The following TMEM70 variants were observed in gnomAD, a reference collection of about 807,000 sequenced individuals.
The protein encoded by TMEM70 is transmembrane protein 70, mitochondrial.
Under a neutral mutation model 20.5 loss-of-function variants are expected in TMEM70, and 15 were observed. That is an observed-to-expected ratio of 0.73 (90% CI 0.49 to 1.13). TMEM70 has a LOEUF of 1.13. Ranked by LOEUF, TMEM70 falls within the 50% of genes most tolerant of loss-of-function variation. TMEM70 has a pLI of 0.00. For synonymous variants in TMEM70, 141 were observed against 134.2 expected, an observed-to-expected ratio of 1.05 and a Z score of -0.35; for missense variants, 344 against 331.7, an observed-to-expected ratio of 1.04 and a Z score of -0.29.
chr8:73,980,859 T>C (rs1308070097), intron 2 of TMEM70, among the ~76,000 whole-genome samples: 2 of 152,228 alleles, frequency 1.3e-5, no homozygotes, highest in East Asian at 3.8e-4. Flanking sequence ...TTAGTAAGGA[T>C]CTTTAAGTAA....
In TMEM70 at chr8:73,981,522, C is replaced by T; in HGVS notation, c.684C>T (p.Asn228=). The T allele has an allele frequency of 6.2e-7, 1 of 1,613,794 alleles. No individual in the cohort carries two copies. Among genetic ancestry groups the T allele is most frequent in the Admixed American group, 1.7e-5 (1 of 60,020 alleles). Residue 228 remains asparagine (N), a synonymous_variant, in exon 3 of 3, where the codon AAC becomes AAT. Transcript: ENST00000312184. ...TAGTTAATCCAGTGCTCTTTCCAAA[C>T]CGTGAAGACTATATCCATCTAATGG... ...SLLVNPVLFP[N]REDYIHLMGY...
rs1311461265 is a variant in TMEM70, at chr8:73,981,772, T to G, written c.*151T>G. On this transcript the variant is annotated 3_prime_UTR_variant, in exon 3 of 3. Coordinates refer to ENST00000312184, the MANE Select transcript of TMEM70 (RefSeq NM_017866.6). ...TCCAGAGAATGATGTTTGTTTATAA[T>G]AAAACAAGCTATGTTTGAAAACCAA... The G allele has an allele frequency of 1.3e-6, 1 of 767,334 alleles. No homozygotes were observed. Among genetic ancestry groups the G allele is most frequent in the Non-Finnish European group, 2.2e-6 (1 of 449,056 alleles). The allele number at this position is 767,334 out of a possible 1,614,324, so 47.5% of individuals were successfully genotyped here.
At chr8:73,977,172 T>C (rs193145360) in intron 1 of TMEM70, among the ~76,000 whole-genome samples, 5 of 152,334 alleles carry the variant, frequency 3.3e-5, no homozygotes, top group African/African-American at 1.2e-4. Flanking sequence ...ATGTAGGATT[T>C]CAAGTAAATT....
At position 73,978,330 on chromosome 8, in the gene TMEM70, G is replaced by GC. The variant is rs1272328721; in HGVS notation, c.211-420dup. ...TTGAACTCCTGACCTCAAGTGATCC[G>GC]CCCCCCTCGGCCTCCCAAAGTGCTG... On this transcript the variant is annotated intron_variant, in intron 1 of 2. Coordinates refer to ENST00000312184, the MANE Select transcript of TMEM70 (RefSeq NM_017866.6). Among the ~76,000 whole-genome samples the GC allele has an allele frequency of 2.7e-5, 4 of 149,382 alleles. No homozygotes were observed. In the East Asian group the frequency reaches 6.2e-4, roughly 23 times the overall value.
chr8:73,982,424 A>T lies in TMEM70; in HGVS notation c.*803A>T, dbSNP rs1815834237. 1 of 803,434 alleles carries T rather than the reference A, an allele frequency of 1.2e-6. No homozygotes were observed. The allele number at this position is 803,434 out of a possible 1,614,324, so 49.8% of individuals were successfully genotyped here. A position where few individuals can be genotyped will look rare whatever the true frequency, so the allele number is the denominator to read the frequency against. ...TCAGATAGTTAAGCAGATTACTTCC[A>T]TCAGTATTGAGCCAGGAGTTGAGAT... is the stretch of plus-strand genomic sequence containing the variant. On this transcript the variant is annotated 3_prime_UTR_variant, in exon 3 of 3. Transcript: ENST00000312184.
rs149063225 is a variant in TMEM70 at position 73,982,046 on chromosome 8, T to A, written c.*425T>A. The A allele has an allele frequency of 3.4e-4, 159 of 466,338 alleles. 2 individuals carry two copies. In the East Asian group the frequency reaches 7.3e-3, roughly 21 times the overall value. 28.9% of individuals were successfully genotyped at this position (466,338 alleles called of 1,614,324 possible). ...TGCGGAGCTGTGGTCCACCTGCTCC[T>A]GCTCCTGACTCACTGCTCTTTGCTG... On this transcript the variant is annotated 3_prime_UTR_variant, in exon 3 of 3. Transcript: ENST00000312184.
chr8:73,979,873 C>T (rs528552847), intron 2 of TMEM70, among the ~76,000 whole-genome samples: 1 of 152,096 alleles, frequency 6.6e-6, no homozygotes, highest in South Asian at 2.1e-4. Context: ...ACCATCAGAC[C>T]AGCCTTGGCT....
At chr8:73,977,894 C>T (rs1815691465) in intron 1 of TMEM70, among the ~76,000 whole-genome samples, 1 of 152,148 alleles carries the variant, frequency 6.6e-6, no homozygotes, top group Non-Finnish European at 1.5e-5. Flanking sequence ...ACTATTTTTA[C>T]TTGTTCAAGG....
chr8:73,978,647 C>G (rs1241099851), intron 1 of TMEM70, 109 bp from the exon 2 acceptor site: 1 of 1,128,632 alleles, frequency 8.9e-7, no homozygotes, highest in Non-Finnish European at 1.3e-6. Flanking sequence ...GAGCTGAGAT[C>G]GCACCACTGC....
chr8:73,976,991 T>C (rs769969357), intron 1 of TMEM70, among the ~76,000 whole-genome samples: 16 of 152,214 alleles, frequency 1.1e-4, no homozygotes, highest in Non-Finnish European at 1.9e-4. Context: ...CTGTAAAATA[T>C]CAGGATTGGC....
In TMEM70 at chr8:73,981,613, G is replaced by A. The variant is rs1287584504; in HGVS notation, c.775G>A (p.Asp259Asn). 6.2e-7 allele frequency: 1 copy of A among 1,601,850 alleles called. No homozygotes were observed. The highest frequency in any genetic ancestry group is 8.5e-7 in the Non-Finnish European group (1 of 1,172,208). Residue 259 changes from aspartate (D) to asparagine (N), a missense_variant, in exon 3 of 3, where the codon GAC becomes AAC. Transcript: ENST00000312184. ...ETSEEKRHKD[D>N]K Reference sequence around the variant, plus strand: ...CAGTGAAGAGAAACGGCATAAAGATGACAAATGAGCCTATTTGTTAGTGTT... The same window carrying A: ...CAGTGAAGAGAAACGGCATAAAGATAACAAATGAGCCTATTTGTTAGTGTT...
chr8:73,976,296 G>A lies in TMEM70; in HGVS notation c.15G>A (p.Ala5=). ...TCACCCGCGTGATGCTGTTTCTGGC[G>A]TTGGGCAGCCCGTGGGCGGTCGAAC... The part of the protein sequence containing the change: MLFL[A]LGSPWAVELP... Residue 5 remains alanine (A), a synonymous_variant, in exon 1 of 3, where the codon GCG becomes GCA. Transcript: ENST00000312184. 6.2e-7 allele frequency: 1 copy of A among 1,600,780 alleles called. No individual in the cohort carries two copies. The highest frequency in any genetic ancestry group is 1.1e-5 in the South Asian group (1 of 90,994).
chr8:73,976,560 C>A, intron 1 of TMEM70, 69 bp downstream of exon 1: 1 of 1,383,646 alleles, frequency 7.2e-7, no homozygotes, highest in Non-Finnish European at 9.5e-7. Flanking sequence ...GCCTGGGGAG[C>A]CCCAGCGGCT....
chr8:73,980,505 T>TA (rs1815765276), intron 2 of TMEM70, among the ~76,000 whole-genome samples: 1 of 152,100 alleles, frequency 6.6e-6, no homozygotes, highest in South Asian at 2.1e-4. Context: ...TAGCTGGGAT[T>TA]ACAAGCACTT....
rs1354060204 is a variant in TMEM70, at chr8:73,982,184, T to C, written c.*563T>C. The C allele has an allele frequency of 1.8e-6, 1 of 549,014 alleles. No homozygotes were observed. Among genetic ancestry groups the C allele is most frequent in the South Asian group, 1.4e-5 (1 of 72,308 alleles). 34.0% of individuals were successfully genotyped at this position (549,014 alleles called of 1,614,324 possible). A position where few individuals can be genotyped will look rare whatever the true frequency, so the allele number is the denominator to read the frequency against. On this transcript the variant is annotated 3_prime_UTR_variant, in exon 3 of 3. Transcript: ENST00000312184. ...AGTCAGAGGTGGCAATTCACCGAAT[T>C]CATATCACTCTAACGAGTTGCAACG...
At chr8:73,980,435 T>C (rs1364840789) in intron 2 of TMEM70, among the ~76,000 whole-genome samples, 1 of 152,120 alleles carries the variant, frequency 6.6e-6, no homozygotes, top group Admixed American at 6.5e-5. Flanking sequence ...GTGTGCAGTC[T>C]TGGCTCACTG....
In TMEM70 at chr8:73,977,432, C is replaced by T. The variant is rs540369157; in HGVS notation, c.210+941C>T. Among the ~76,000 whole-genome samples, 38 of 152,272 alleles carry T rather than the reference C, an allele frequency of 2.5e-4. No individual in the cohort carries two copies. In the South Asian group the frequency reaches 7.5e-3, roughly 30 times the overall value. The stretch of plus-strand genomic sequence containing the variant: ...TAAACTCCTGACCTCAAATCATCCT[C>T]CTGCCTCGGCCTGTCAAAGGGTTGG... On this transcript the variant is annotated intron_variant, in intron 1 of 2. Transcript: ENST00000312184.
intron 1 of TMEM70, among the ~76,000 whole-genome samples, chr8:73,978,239 C>G (rs962458630): frequency 6.6e-6 from 1 of 151,792 alleles, no homozygotes; most frequent in Non-Finnish European, 1.5e-5. Context: ...GCGCCAGACA[C>G]CATGCCCGGC....
At chr8:73,976,870 A>G (rs1190747460) in intron 1 of TMEM70, among the ~76,000 whole-genome samples, 3 of 152,224 alleles carry the variant, frequency 2.0e-5, no homozygotes, top group Non-Finnish European at 4.4e-5. Context: ...AGCTTGTTCT[A>G]CTTTTATGAG....
Sources: allele counts gnomAD v4.1 joint callset (sites outside exome capture counted in the v4.1 genomes callset), GRCh38; gene constraint gnomAD v4.1.1; transcripts MANE v1.5; gene names NCBI Gene and HGNC (gene_info 2026-07-23, HGNC 2026-07-21).